CNBD1: variants seen among roughly 807,000 people sequenced by gnomAD.
CNBD1 encodes the protein cyclic nucleotide-binding domain-containing protein 1.
A neutral mutation model predicts 54.4 loss-of-function variants in CNBD1; 71 were observed. The observed-to-expected ratio is 1.30, with a 90% CI of 1.08 to 1.59. CNBD1 has a LOEUF of 1.59. CNBD1 is among the 40% of genes most tolerant of loss of function. CNBD1 has a pLI of 0.00. For missense variants in CNBD1, 659 were observed against 518.0 expected, an observed-to-expected ratio of 1.27 and a Z score of -2.64; for synonymous variants, 182 against 170.7, an observed-to-expected ratio of 1.07 and a Z score of -0.51.
intron 5 of CNBD1, among the ~76,000 whole-genome samples, chr8:87,223,174 AT>A (rs1814381540): frequency 6.7e-6 from 1 of 148,754 alleles, no homozygotes; most frequent in African/African-American, 2.5e-5. Flanking sequence ...TATTTAATCT[AT>A]CCTCCCTTTA....
chr8:87,412,366 A>G (rs975614011), intron 2 of CNBD1, among the ~76,000 whole-genome samples: 1 of 152,104 alleles, frequency 6.6e-6, no homozygotes, highest in African/African-American at 2.4e-5. Context: ...TACTATGTCA[A>G]TATATCACTT....
rs1455644415 is a variant in CNBD1 at position 87,425,854 on chromosome 8, G to A, written c.214-2692G>A. 2.3e-3 allele frequency among the ~76,000 whole-genome samples: 351 copies of A among 152,180 alleles called. 2 individuals are homozygous for A. The highest frequency in any genetic ancestry group is 7.1e-3 in the African/African-American group (295 of 41,512). On this transcript the variant is annotated intron_variant, in intron 2 of 7. Coordinates refer to the CNBD1 transcript ENST00000521593. Reference sequence around the variant, plus strand: ...AGCTGTGGTGGGCTCCACCCAGTTCGAGCTTCCCAGCTGCTTTGTTTACCT... The same window carrying A: ...AGCTGTGGTGGGCTCCACCCAGTTCAAGCTTCCCAGCTGCTTTGTTTACCT...
chr8:87,184,408 G>A (rs1030815720), intron 4 of CNBD1, among the ~76,000 whole-genome samples: 3 of 152,138 alleles, frequency 2.0e-5, no homozygotes, highest in African/African-American at 7.2e-5. Flanking sequence ...AAACGCTAAA[G>A]CCACCTAGAG....
rs376861375 is a variant in CNBD1 at position 87,275,092 on chromosome 8, G to A, written c.772-9586G>A. 1.3e-4 allele frequency among the ~76,000 whole-genome samples: 18 copies of A among 135,674 alleles called. 3 individuals are homozygous for A. The South Asian group carries it at 3.4e-3, about 25-fold the overall frequency. 89.0% of individuals were successfully genotyped at this position (135,674 alleles called of 152,430 possible). A position where few individuals can be genotyped will look rare whatever the true frequency, so the allele number is the denominator to read the frequency against. On this transcript the variant is annotated intron_variant, in intron 6 of 10. Transcript: ENST00000518476. ...AAAGATCAGATAGCTGTAGATATGC[G>A]GCGTTATTTCTGAGGGCTGTGTTCT...
intron 8 of CNBD1, among the ~76,000 whole-genome samples, chr8:87,331,641 G>C (rs146252546): frequency 0.051 from 7,742 of 152,238 alleles, 648 homozygotes; most frequent in African/African-American, 0.18. Context: ...TCACCACACT[G>C]TCTTCCACAA....
intron 2 of CNBD1, among the ~76,000 whole-genome samples, chr8:87,390,262 C>T (rs1417267817): frequency 1.3e-5 from 2 of 152,098 alleles, no homozygotes. Context: ...TCTAAGTAAA[C>T]TAAAGAGCTT....
At chr8:87,143,916 A>G (rs1812427672) in intron 4 of CNBD1, among the ~76,000 whole-genome samples, 1 of 152,242 alleles carries the variant, frequency 6.6e-6, no homozygotes, top group South Asian at 2.1e-4. Context: ...TGATAAAACA[A>G]CTGTTAAAGG....
At position 87,166,027 on chromosome 8, in the gene CNBD1, C is replaced by T. The variant is rs1490552063; in HGVS notation, c.432-39966C>T. On this transcript the variant is annotated intron_variant, in intron 4 of 10. Coordinates refer to ENST00000518476, the MANE Select transcript of CNBD1 (RefSeq NM_173538.3). This position sits in a 1 kb window ranked among gnomAD's most constrained non-coding sequence, Gnocchi z 4.3. ...ACCGTGACTCTGAGATCTACATTCA[C>T]GTATTGAATTGTCATTTTGAAGGCC... Among the ~76,000 whole-genome samples the T allele has an allele frequency of 2.0e-5, 3 of 152,008 alleles. No individual in the cohort carries two copies. The highest frequency in any genetic ancestry group is 7.2e-5 in the African/African-American group (3 of 41,522).
intron 2 of CNBD1, among the ~76,000 whole-genome samples, chr8:87,388,795 C>A (rs528733104): frequency 3.9e-5 from 6 of 151,968 alleles, no homozygotes; most frequent in African/African-American, 1.5e-4. Context: ...AGAGACACAA[C>A]AAAAAAAGAC....
intron 5 of CNBD1, among the ~76,000 whole-genome samples, chr8:87,227,030 G>T (rs9694719): frequency 6.7e-6 from 1 of 149,528 alleles, no homozygotes. Context: ...TTGTTGGTTT[G>T]AAGTCTGTTT....
intron 2 of CNBD1, among the ~76,000 whole-genome samples, chr8:87,391,536 A>G (rs983572205): frequency 6.6e-6 from 1 of 152,048 alleles, no homozygotes; most frequent in Non-Finnish European, 1.5e-5. Flanking sequence ...GTCCATAAAT[A>G]AAACCTTATT....
intron 9 of CNBD1, among the ~76,000 whole-genome samples, chr8:87,352,447 T>C (rs1432723198): frequency 7.7e-6 from 1 of 129,084 alleles, no homozygotes; most frequent in East Asian, 2.2e-4. Flanking sequence ...GCCACTGCAC[T>C]CCAGCCTGGC....
At chr8:86,935,563 T>C (rs1809533193) in intron 3 of CNBD1, among the ~76,000 whole-genome samples, 1 of 152,184 alleles carries the variant, frequency 6.6e-6, no homozygotes, top group Admixed American at 6.5e-5. Context: ...TCTATCTTTT[T>C]CTATCTGTGG....
chr8:87,386,453 A>C (rs1468356046), downstream of CNBD1, among the ~76,000 whole-genome samples: 1 of 152,222 alleles, frequency 6.6e-6, no homozygotes, highest in East Asian at 1.9e-4. Context: ...TGGCACGAGA[A>C]CTATGTGACG....
intron 10 of CNBD1, among the ~76,000 whole-genome samples, chr8:87,375,198 G>A (rs1295642906): frequency 1.3e-5 from 2 of 151,760 alleles, no homozygotes; most frequent in Non-Finnish European, 1.5e-5. Context: ...TCAGCTCTTA[G>A]TTTTGTAATT....
At chr8:86,908,967 A>G (rs1809060266) in intron 3 of CNBD1, among the ~76,000 whole-genome samples, 1 of 152,100 alleles carries the variant, frequency 6.6e-6, no homozygotes, top group South Asian at 2.1e-4. Context: ...CATGTTGGCT[A>G]GGATGGTCTG....
At chr8:87,334,916 G>C (rs552272063) in intron 8 of CNBD1, among the ~76,000 whole-genome samples, 4 of 151,550 alleles carry the variant, frequency 2.6e-5, no homozygotes, top group Non-Finnish European at 5.9e-5. Flanking sequence ...GTAGAGACGG[G>C]GTTTCCACCA....
chr8:87,384,883 A>T (rs1811152465), downstream of CNBD1, among the ~76,000 whole-genome samples: 2 of 152,292 alleles, frequency 1.3e-5, no homozygotes, highest in South Asian at 4.1e-4. Flanking sequence ...GAAATGAATG[A>T]GTGAAAGGGG....
At chr8:87,099,207 G>C (rs1456292461) in intron 4 of CNBD1, among the ~76,000 whole-genome samples, 1 of 151,964 alleles carries the variant, frequency 6.6e-6, no homozygotes, top group Non-Finnish European at 1.5e-5. Context: ...GAAAGGCTAG[G>C]GGTTTGTCAG....
Sources: allele counts gnomAD v4.1 joint callset (sites outside exome capture counted in the v4.1 genomes callset), GRCh38; gene constraint gnomAD v4.1.1; non-coding constraint Gnocchi (gnomAD v3.1); transcripts MANE v1.5; gene names NCBI Gene and HGNC (gene_info 2026-07-23, HGNC 2026-07-21).